The following NKAIN3 variants were observed in gnomAD, a reference collection of about 807,000 sequenced individuals.
NKAIN3 encodes sodium/potassium transporting ATPase interacting 3, also known as sodium/potassium-transporting ATPase subunit beta-1-interacting protein 3.
A neutral mutation model predicts 30.2 loss-of-function variants in NKAIN3; 25 were observed. That is an observed-to-expected ratio of 0.83 (90% confidence interval 0.60 to 1.16). The LOEUF is 1.16. NKAIN3 is among the 50% of genes most tolerant of loss of function. The pLI is 0.00. For missense variants in NKAIN3, 225 were observed against 254.1 expected (o/e 0.89, Z 0.78); for synonymous variants, 91 against 89.6 (o/e 1.02, Z -0.09).
chr8:62,273,510 A>C lies in NKAIN3; in HGVS notation c.54+24383A>C, dbSNP rs573837584. ...CATGTTTTGGTTACTGTAATGATAA[A>C]ACTACACCATTCTTCTATCATGCAG... On this transcript the variant is annotated intron_variant, in intron 1 of 6. Transcript: ENST00000623646. 1.5e-3 allele frequency among the ~76,000 whole-genome samples: 223 copies of C among 152,268 alleles called. 1 individual carries two copies. The highest frequency in any genetic ancestry group is 5.0e-3 in the African/African-American group (208 of 41,556).
chr8:62,845,285 T>TTATA (rs10525699), intron 4 of NKAIN3, among the ~76,000 whole-genome samples: 862 of 68,910 alleles, frequency 0.013, 43 homozygotes, highest in East Asian at 0.036. Flanking sequence ...GGATAGTAGA[T>TTATA]TATATATATA....
intron 4 of NKAIN3, among the ~76,000 whole-genome samples, chr8:62,765,073 T>C (rs959999935): frequency 4.0e-5 from 6 of 151,776 alleles, no homozygotes; most frequent in Non-Finnish European, 5.9e-5. Flanking sequence ...TGAAACCTCG[T>C]CTGTACTAAA....
At chr8:62,825,137 A>G (rs1818978850) in intron 4 of NKAIN3, among the ~76,000 whole-genome samples, 1 of 152,214 alleles carries the variant, frequency 6.6e-6, no homozygotes, top group South Asian at 2.1e-4. Flanking sequence ...CTGCCAATGA[A>G]TGAAACCATT....
At chr8:62,321,446 C>G (rs1814900569) in intron 1 of NKAIN3, among the ~76,000 whole-genome samples, 1 of 152,218 alleles carries the variant, frequency 6.6e-6, no homozygotes, top group South Asian at 2.1e-4. Flanking sequence ...CTGTTTCTTC[C>G]CCATCTTTGT....
intron 1 of NKAIN3, among the ~76,000 whole-genome samples, chr8:62,322,991 G>T (rs1388735817): frequency 3.3e-5 from 5 of 152,190 alleles, no homozygotes; most frequent in Non-Finnish European, 7.3e-5. Context: ...ATCATTGTAT[G>T]CTTATTAGAA....
chr8:62,897,137 A>T (rs986119063), intron 4 of NKAIN3, among the ~76,000 whole-genome samples: 1 of 152,176 alleles, frequency 6.6e-6, no homozygotes, highest in African/African-American at 2.4e-5. Context: ...ATGAAGGAAC[A>T]CTGCAGAGGG....
At chr8:62,535,229 T>C (rs1443699941) in intron 1 of NKAIN3, among the ~76,000 whole-genome samples, 5 of 152,184 alleles carry the variant, frequency 3.3e-5, no homozygotes, top group African/African-American at 1.2e-4. Flanking sequence ...ATGCTCATAT[T>C]CATGTTATGT....
intron 1 of NKAIN3, among the ~76,000 whole-genome samples, chr8:62,474,503 G>A (rs772105802): frequency 6.6e-6 from 1 of 152,096 alleles, no homozygotes; most frequent in Non-Finnish European, 1.5e-5. Flanking sequence ...ATTGGCAAAC[G>A]TACAAAGACC....
intron 1 of NKAIN3, among the ~76,000 whole-genome samples, chr8:62,510,940 C>T (rs963509146): frequency 6.6e-6 from 1 of 152,120 alleles, no homozygotes; most frequent in African/African-American, 2.4e-5. Flanking sequence ...GGTGTCTGCC[C>T]TCTGTTTCCC....
chr8:62,873,052 G>T (rs956535734), intron 4 of NKAIN3, among the ~76,000 whole-genome samples: 26 of 152,074 alleles, frequency 1.7e-4, no homozygotes, highest in Non-Finnish European at 3.5e-4. Flanking sequence ...CTGGCAAATT[G>T]GATAAGGAGT....
At chr8:62,337,864 A>G (rs2129590636) in intron 1 of NKAIN3, among the ~76,000 whole-genome samples, 1 of 152,182 alleles carries the variant, frequency 6.6e-6, no homozygotes, top group Non-Finnish European at 1.5e-5. Context: ...TGAAGTGTGA[A>G]AAACAACTGG....
chr8:62,414,195 A>G (rs1254103408), intron 1 of NKAIN3, among the ~76,000 whole-genome samples: 1 of 152,122 alleles, frequency 6.6e-6, no homozygotes, highest in East Asian at 1.9e-4. Context: ...TTCAGTACAG[A>G]CTATATTTAC....
At chr8:62,663,328 T>C (rs1362562568) in intron 3 of NKAIN3, among the ~76,000 whole-genome samples, 1 of 152,202 alleles carries the variant, frequency 6.6e-6, no homozygotes, top group African/African-American at 2.4e-5. Context: ...GATACTTACT[T>C]GTCTCTATTA....
At chr8:62,642,018 T>TA (rs1475599043) in intron 3 of NKAIN3, among the ~76,000 whole-genome samples, 1 of 151,950 alleles carries the variant, frequency 6.6e-6, no homozygotes, top group Non-Finnish European at 1.5e-5. Flanking sequence ...TGCCAAGAGA[T>TA]ATATGGATGA....
chr8:62,466,844 T>C (rs751934303), intron 1 of NKAIN3, among the ~76,000 whole-genome samples: 6 of 152,216 alleles, frequency 3.9e-5, no homozygotes, highest in Non-Finnish European at 8.8e-5. Context: ...ATCACTCATA[T>C]CACATGTGGA....
At chr8:62,345,442 T>C (rs1563942565) in intron 1 of NKAIN3, among the ~76,000 whole-genome samples, 5 of 134,610 alleles carry the variant, frequency 3.7e-5, no homozygotes, top group Non-Finnish European at 6.2e-5. Flanking sequence ...TATATGTATA[T>C]ATACACACAT....
At chr8:62,708,139 A>T (rs1273982196) in intron 3 of NKAIN3, among the ~76,000 whole-genome samples, 1 of 152,138 alleles carries the variant, frequency 6.6e-6, no homozygotes, top group East Asian at 1.9e-4. Context: ...CTTACAGTAT[A>T]GTTTGAAATC....
chr8:62,604,259 G>A (rs13260313), intron 3 of NKAIN3, among the ~76,000 whole-genome samples: 12,051 of 152,206 alleles, frequency 0.079, 560 homozygotes, highest in Middle Eastern at 0.16. Flanking sequence ...GGAAGAATCC[G>A]AGTGTCTGAT....
rs530999773 is a variant in NKAIN3 at position 62,269,454 on chromosome 8, T to C, written c.54+20327T>C. Reference sequence around the variant, plus strand: ...AAGAGTAGACAGTATATCTCTGGAGTCGCCCATTATTTTTTTTACTCCACT... The same window carrying C: ...AAGAGTAGACAGTATATCTCTGGAGCCGCCCATTATTTTTTTTACTCCACT... On this transcript the variant is annotated intron_variant, in intron 1 of 6. Coordinates refer to ENST00000623646, the MANE Select transcript of NKAIN3 (RefSeq NM_001304533.3). Among the ~76,000 whole-genome samples the C allele has an allele frequency of 3.3e-5, 5 of 152,192 alleles. No homozygotes were observed. The South Asian group carries it at 1.0e-3, about 32-fold the overall frequency.
Sources: allele counts gnomAD v4.1 joint callset (sites outside exome capture counted in the v4.1 genomes callset), GRCh38; gene constraint gnomAD v4.1.1; transcripts MANE v1.5; gene names NCBI Gene and HGNC (gene_info 2026-07-23, HGNC 2026-07-21).